DIS3L: variants seen among roughly 807,000 people sequenced by gnomAD.
DIS3L encodes DIS3-like exonuclease 1.
A neutral mutation model predicts 120.3 loss-of-function variants in DIS3L; 100 were observed. The ratio of observed to expected loss-of-function variants is 0.83; its 90% CI spans 0.71 to 0.98. The LOEUF is 0.98. Ranked by LOEUF, DIS3L falls within the 50% of genes least tolerant of loss-of-function variation. The pLI, the probability that DIS3L is intolerant of heterozygous loss-of-function variation, is 0.00. For missense variants in DIS3L, 1,196 were observed against 1,314.2 expected, an observed-to-expected ratio of 0.91 and a Z score of 1.39; for synonymous variants, 426 against 470.6, an observed-to-expected ratio of 0.91 and a Z score of 1.23.
At chr15:66,302,417 A>G (rs1014053327) in intron 2 of DIS3L, among the ~76,000 whole-genome samples, 1 of 152,220 alleles carries the variant, frequency 6.6e-6, no homozygotes, top group Admixed American at 6.5e-5. Flanking sequence ...GAAGGTGTGA[A>G]AACAAATGCA....
At chr15:66,303,786 T>A (rs574441452) in intron 2 of DIS3L, among the ~76,000 whole-genome samples, 2 of 152,282 alleles carry the variant, frequency 1.3e-5, no homozygotes, top group African/African-American at 4.8e-5. Flanking sequence ...AGTGAAAGCC[T>A]GCCCAAACTG....
chr15:66,315,245 C>A, intron 7 of DIS3L, 30 bp downstream of exon 7: 17 of 1,548,270 alleles, frequency 1.1e-5, no homozygotes, highest in Non-Finnish European at 1.4e-5. Context: ...ACTCCGATGT[C>A]CATTTTTCTT....
rs1015281633 is a variant in DIS3L, at chr15:66,312,147, G to T, written c.735+247G>T. 3.3e-5 allele frequency among the ~76,000 whole-genome samples: 5 copies of T among 151,186 alleles called. No individual in the cohort carries two copies. In the Admixed American group the frequency reaches 3.3e-4, roughly 10 times the overall value. ...CACTTCAGCCTGGATGGTTGAGGCT[G>T]CAGTGAGCCATGATTGCACCACTGC... On this transcript the variant is annotated intron_variant, in intron 5 of 16. Coordinates refer to ENST00000319212, the MANE Select transcript of DIS3L (RefSeq NM_001143688.3).
intron 2 of DIS3L, among the ~76,000 whole-genome samples, chr15:66,297,120 G>A (rs988471957): frequency 1.9e-4 from 29 of 152,204 alleles, no homozygotes; most frequent in African/African-American, 7.0e-4. Flanking sequence ...GTGCCTTCAG[G>A]TTGACATAGC....
chr15:66,316,942 C>T (rs1810879364), intron 7 of DIS3L, among the ~76,000 whole-genome samples: 1 of 152,176 alleles, frequency 6.6e-6, no homozygotes, highest in African/African-American at 2.4e-5. Context: ...CTGCATGGTC[C>T]CACCAGCTGA....
chr15:66,296,619 G>A (rs568410798), intron 2 of DIS3L, among the ~76,000 whole-genome samples: 1 of 151,866 alleles, frequency 6.6e-6, no homozygotes, highest in South Asian at 2.1e-4. Context: ...CACCTCCCGG[G>A]TTCAAGTGAT....
chr15:66,330,586 G>A, intron 14 of DIS3L: 1 of 978,258 alleles, frequency 1.0e-6, no homozygotes, highest in African/African-American at 1.7e-5. Flanking sequence ...ATTAAAATTA[G>A]AAGTAGAAAT....
chr15:66,320,320 T>G (rs373557960), intron 8 of DIS3L, among the ~76,000 whole-genome samples: 7 of 152,208 alleles, frequency 4.6e-5, no homozygotes, highest in Admixed American at 2.0e-4. Context: ...GACTAAAATT[T>G]CCAGCCCTCT....
chr15:66,332,481 C>G (rs1595771171), intron 15 of DIS3L, among the ~76,000 whole-genome samples: 1 of 65,424 alleles, frequency 1.5e-5, no homozygotes, highest in African/African-American at 4.4e-5. Flanking sequence ...AAAGTGAAGA[C>G]TGGAGTGTGT....
chr15:66,308,079 G>A (rs11639266), intron 3 of DIS3L, among the ~76,000 whole-genome samples: 28,342 of 152,160 alleles, frequency 0.19, 3,354 homozygotes, highest in Middle Eastern at 0.29. Flanking sequence ...GGCTGAGGCA[G>A]GAGGATCACT....
intron 4 of DIS3L, among the ~76,000 whole-genome samples, chr15:66,309,094 A>AAATATAT: frequency 6.5e-5 from 1 of 15,320 alleles, no homozygotes; most frequent in Non-Finnish European, 1.2e-4. Context: ...AAAAAAAAAA[A>AAATATAT]ATATATATAT....
chr15:66,324,626 A>G (rs943605370), intron 11 of DIS3L, among the ~76,000 whole-genome samples: 7 of 152,300 alleles, frequency 4.6e-5, no homozygotes, highest in South Asian at 4.1e-4. Flanking sequence ...CCTGTCACCA[A>G]TGTATGAGAG....
At chr15:66,331,005 A>C (rs1184938404) in intron 14 of DIS3L, among the ~76,000 whole-genome samples, 1 of 152,066 alleles carries the variant, frequency 6.6e-6, no homozygotes, top group African/African-American at 2.4e-5. Flanking sequence ...AAATACAAAA[A>C]TTAGCCAGGC....
At chr15:66,325,267 G>C (rs547702838) in intron 11 of DIS3L, among the ~76,000 whole-genome samples, 1 of 152,060 alleles carries the variant, frequency 6.6e-6, no homozygotes, top group Admixed American at 6.6e-5. Context: ...GGTGGTGCAC[G>C]CCTATAGTCC....
At chr15:66,302,999 T>G (rs1296443677) in intron 2 of DIS3L, among the ~76,000 whole-genome samples, 1 of 152,182 alleles carries the variant, frequency 6.6e-6, no homozygotes, top group African/African-American at 2.4e-5. Flanking sequence ...GCCCCTATTC[T>G]GCTATTCTAC....
intron 12 of DIS3L, 139 bp from the exon 13 acceptor site, chr15:66,328,831 A>G: frequency 2.1e-6 from 2 of 958,106 alleles, no homozygotes; most frequent in Admixed American, 5.5e-5. Flanking sequence ...AGTTGAAAAG[A>G]GGTGCTTCTG....
intron 6 of DIS3L, among the ~76,000 whole-genome samples, chr15:66,314,664 T>C (rs79508408): frequency 0.01 from 1,581 of 152,288 alleles, 15 homozygotes; most frequent in South Asian, 0.049. Context: ...GCCCTATCTA[T>C]AGTTCCTCAG....
chr15:66,312,980 TTTAA>T (rs1454749327), intron 5 of DIS3L, among the ~76,000 whole-genome samples: 1 of 151,786 alleles, frequency 6.6e-6, no homozygotes, highest in African/African-American at 2.4e-5. Flanking sequence ...TTAATTTTAA[TTTAA>T]TTTAATTTAT....
chr15:66,322,857 G>A lies in DIS3L; in HGVS notation c.1497G>A (p.Leu499=), dbSNP rs182544660. 6.2e-7 allele frequency: 1 copy of A among 1,614,158 alleles called. No individual in the cohort carries two copies. Among genetic ancestry groups the A allele is most frequent in the East Asian group, 2.2e-5 (1 of 44,880 alleles). The change falls in exon 10 of 17, where the codon CTG becomes CTA. Residue 499 remains leucine (L), a synonymous_variant. Transcript: ENST00000319212. ...LSVRTLNNGN[L]ELGVHIADVT... is the part of the protein sequence containing the mutation. ...TCAGAACCTTAAATAATGGCAACCT[G>A]GAACTTGGGGTCCACATCGCAGATG...
Sources: gnomAD v4.1 joint callset for allele counts (sites outside exome capture counted in the v4.1 genomes callset) on GRCh38, gnomAD v4.1.1 for gene constraint, MANE v1.5 for transcripts, NCBI Gene and HGNC (gene_info 2026-07-23, HGNC 2026-07-21) for gene names.